Variants in FMN1 observed in about 807,000 individuals in gnomAD.
FMN1 encodes the protein formin 1.
A neutral mutation model predicts 132.4 loss-of-function variants in FMN1; 110 were observed. That is an observed-to-expected ratio of 0.83 (90% confidence interval 0.71 to 0.97). The LOEUF is 0.97. FMN1 is among the 50% of genes least tolerant of loss of function. FMN1 has a pLI of 0.00. For synonymous variants in FMN1, 722 were observed against 651.7 expected, an observed-to-expected ratio of 1.11 and a Z score of -1.64; for missense variants, 1,792 against 1,705.3, an observed-to-expected ratio of 1.05 and a Z score of -0.90.
chr15:33,059,663 A>G (rs1375539589), intron 6 of FMN1, among the ~76,000 whole-genome samples: 2 of 152,246 alleles, frequency 1.3e-5, no homozygotes, highest in East Asian at 1.9e-4. Context: ...TATTACACAT[A>G]ATTTATCAAC....
Position 32,888,175 on chromosome 15 carries a change from C to G in FMN1, c.3832G>C (p.Glu1278Gln), listed in dbSNP as rs370021797. ...KDLRKLKRQL[E>Q]ASEKQMVVVC... is the part of the protein sequence containing the mutation. ...ATAGCAGAACAGTTCCTATTACCTT[C>G]TAGTTGCCTCTTCAGTTTTCTCAAA... The change falls in exon 16 of 21, where the codon GAA becomes CAA. Residue 1278 changes from glutamate to glutamine, a missense_variant. By Grantham distance (29) the Glu-to-Gln change is conservative (BLOSUM62 2). Transcript: ENST00000616417. The G allele has an allele frequency of 1.4e-5, 23 of 1,605,910 alleles. No homozygotes were observed. Among genetic ancestry groups the G allele is most frequent in the Non-Finnish European group, 1.2e-5 (14 of 1,177,386 alleles).
chr15:32,841,016 C>T (rs188670495), intron 17 of FMN1, among the ~76,000 whole-genome samples: 1 of 152,268 alleles, frequency 6.6e-6, no homozygotes, highest in Admixed American at 6.5e-5. Context: ...AACAAACAAA[C>T]CACCAGCATT....
At chr15:32,986,505 AGATT>A (rs1349413654) in intron 7 of FMN1, among the ~76,000 whole-genome samples, 5 of 152,178 alleles carry the variant, frequency 3.3e-5, no homozygotes, top group Non-Finnish European at 5.9e-5. Context: ...GTGTAAACAT[AGATT>A]AAGAAAAATG....
In FMN1 at chr15:32,774,096, T is replaced by G; in HGVS notation, c.*214A>C. The G allele has an allele frequency of 1.8e-6, 1 of 549,986 alleles. No homozygotes were observed. Among genetic ancestry groups the G allele is most frequent in the Non-Finnish European group, 3.2e-6 (1 of 314,298 alleles). The allele number at this position is 549,986 out of a possible 1,614,324, so 34.1% of individuals were successfully genotyped here. ...ACAGTCATCAAATATTTCTGCAATG[T>G]TCCCTTAAATAGTTTTCCATTGTTC... On this transcript the variant is annotated 3_prime_UTR_variant, in exon 21 of 21. Transcript: ENST00000616417.
chr15:32,942,969 T>C (rs1204532581), intron 9 of FMN1, among the ~76,000 whole-genome samples: 2 of 152,196 alleles, frequency 1.3e-5, no homozygotes, highest in East Asian at 1.9e-4. Flanking sequence ...TTCATGACAA[T>C]GATATACAGG....
chr15:33,019,082 C>G (rs1404742290), intron 6 of FMN1, among the ~76,000 whole-genome samples: 2 of 152,196 alleles, frequency 1.3e-5, no homozygotes, highest in Non-Finnish European at 2.9e-5. Context: ...TGCTTTTATT[C>G]TCTTACCTGG....
chr15:32,847,650 C>T (rs781743184), intron 17 of FMN1, among the ~76,000 whole-genome samples: 1 of 152,240 alleles, frequency 6.6e-6, no homozygotes, highest in South Asian at 2.1e-4. Context: ...GTCAGGAGAT[C>T]GAGACCATCC....
At chr15:33,121,677 A>G (rs1962572170) in intron 4 of FMN1, among the ~76,000 whole-genome samples, 1 of 144,572 alleles carries the variant, frequency 6.9e-6, no homozygotes. Flanking sequence ...TACAGGTGTC[A>G]GCCACCATGC....
intron 17 of FMN1, among the ~76,000 whole-genome samples, chr15:32,807,310 A>G (rs1229368685): frequency 6.6e-6 from 1 of 152,238 alleles, no homozygotes; most frequent in Admixed American, 6.5e-5. Flanking sequence ...AGCCATGGCC[A>G]GGGCCATCTT....
At chr15:32,909,567 G>C (rs942653696) in intron 11 of FMN1, among the ~76,000 whole-genome samples, 1 of 152,154 alleles carries the variant, frequency 6.6e-6, no homozygotes, top group African/African-American at 2.4e-5. Flanking sequence ...GGTCCCAGGG[G>C]ACATAAATAT....
chr15:33,108,246 A>G (rs1344728382), intron 4 of FMN1, among the ~76,000 whole-genome samples: 2 of 152,056 alleles, frequency 1.3e-5, no homozygotes, highest in Admixed American at 6.6e-5. Context: ...AGAAAAAAGA[A>G]AAGATATGAA....
In FMN1 at chr15:32,785,216, A is replaced by AT. The variant is rs1281698107; in HGVS notation, c.4131-8298dup. 6.0e-4 allele frequency among the ~76,000 whole-genome samples: 12 copies of AT among 20,112 alleles called. 3 individuals are homozygous for AT. Among genetic ancestry groups the AT allele is most frequent in the Admixed American group, 1.5e-3 (2 of 1,316 alleles). 13.2% of individuals were successfully genotyped at this position (20,112 alleles called of 152,430 possible). A position where few individuals can be genotyped will look rare whatever the true frequency, so the allele number is the denominator to read the frequency against. On this transcript the variant is annotated intron_variant, in intron 19 of 20. Transcript: ENST00000616417. ...TGTGTGTGTGTATATATATATATAT[A>AT]TATTTTTTTTTTTTTTTTTTTGTAG...
Position 32,770,704 on chromosome 15 carries a change from AG to A in FMN1, c.*3605del, listed in dbSNP as rs1161539540. The A allele has an allele frequency of 1.3e-5, 2 of 152,098 alleles. No individual in the cohort carries two copies. Among genetic ancestry groups the A allele is most frequent in the African/African-American group, 4.8e-5 (2 of 41,398 alleles). The allele number at this position is 152,098 out of a possible 1,614,324, so 9.4% of individuals were successfully genotyped here. A position where few individuals can be genotyped will look rare whatever the true frequency, so the allele number is the denominator to read the frequency against. On this transcript the variant is annotated 3_prime_UTR_variant, in exon 21 of 21. Coordinates refer to ENST00000616417, the MANE Select transcript of FMN1 (RefSeq NM_001277313.2). Reference sequence around the variant, plus strand: ...CAGCTTCTACTGTCCTTGATAGGGGAGGGGAGGGGAGACTGCATGCCATCTG... The same window carrying A: ...CAGCTTCTACTGTCCTTGATAGGGGAGGGAGGGGAGACTGCATGCCATCTG...
chr15:33,004,138 G>C (rs1596450869), intron 7 of FMN1, among the ~76,000 whole-genome samples: 3 of 152,230 alleles, frequency 2.0e-5, no homozygotes, highest in East Asian at 3.9e-4. Context: ...GCATGGGCAA[G>C]GACTTCATGT....
chr15:32,813,261 C>G (rs1383359529), intron 17 of FMN1, among the ~76,000 whole-genome samples: 2 of 152,150 alleles, frequency 1.3e-5, no homozygotes, highest in African/African-American at 4.8e-5. Flanking sequence ...ACCATAATCT[C>G]AAACACTTAA....
chr15:33,017,411 C>T lies in FMN1; in HGVS notation c.2162-9336G>A, dbSNP rs190029439. 2.7e-4 allele frequency among the ~76,000 whole-genome samples: 28 copies of T among 103,706 alleles called. No individual in the cohort carries two copies. In the East Asian group the frequency reaches 4.7e-3, roughly 18 times the overall value. The allele number at this position is 103,706 out of a possible 152,430, so 68.0% of individuals were successfully genotyped here. On this transcript the variant is annotated intron_variant, in intron 6 of 20. Transcript: ENST00000616417. The stretch of plus-strand genomic sequence containing the variant: ...AAGTGTGGTATGTGGGCGCAGTAGA[C>T]GGTGAGAGGGAACTCTACTTTCCGC...
intron 9 of FMN1, among the ~76,000 whole-genome samples, chr15:32,945,503 C>T (rs2061490830): frequency 6.6e-6 from 1 of 152,150 alleles, no homozygotes; most frequent in African/African-American, 2.4e-5. Context: ...CAGTCTCACA[C>T]ACGTATATCT....
intron 9 of FMN1, among the ~76,000 whole-genome samples, chr15:32,934,932 T>C (rs2061224564): frequency 6.7e-6 from 1 of 149,448 alleles, no homozygotes; most frequent in Non-Finnish European, 1.5e-5. Context: ...TTTTTCTTTT[T>C]TTTTTTTTGA....
intron 4 of FMN1, among the ~76,000 whole-genome samples, chr15:33,140,920 G>C (rs117010741): frequency 2.0e-3 from 298 of 152,308 alleles, no homozygotes; most frequent in Non-Finnish European, 3.2e-3. Context: ...GTGAGGCTAA[G>C]TATATTCTTA....
Sources: gnomAD v4.1 joint callset for allele counts (sites outside exome capture counted in the v4.1 genomes callset) on GRCh38, gnomAD v4.1.1 for gene constraint, MANE v1.5 for transcripts, NCBI Gene and HGNC (gene_info 2026-07-23, HGNC 2026-07-21) for gene names.